GLB1L2: variants seen among roughly 807,000 people sequenced by gnomAD.
GLB1L2 encodes the protein galactosidase beta 1 like 2, also known as beta-galactosidase-1-like protein 2.
GLB1L2 carries 68 observed loss-of-function variants against 84.1 expected under a neutral mutation model. The ratio of observed to expected loss-of-function variants is 0.81; its 90% CI spans 0.67 to 0.99. The LOEUF (loss-of-function observed/expected upper bound fraction) is 0.99, where lower values mean the gene tolerates loss of function less well. GLB1L2 is among the 50% of genes least tolerant of loss of function. The pLI, the probability that GLB1L2 is intolerant of heterozygous loss-of-function variation, is 0.00. For synonymous variants in GLB1L2, 290 were observed against 318.0 expected, an observed-to-expected ratio of 0.91 and a Z score of 0.94; for missense variants, 762 against 805.6, an observed-to-expected ratio of 0.95 and a Z score of 0.66.
chr11:134,342,789 G>T lies in GLB1L2; in HGVS notation c.122G>T (p.Arg41Leu), dbSNP rs776437306. The change falls in exon 2 of 19, where the codon CGC becomes CTC. Residue 41 changes from arginine to leucine, a missense_variant. By Grantham distance (102) the Arg-to-Leu change is moderately radical. Transcript: ENST00000535456. Reference protein sequence around the residue: ...DWSTLVPLRLRHRQLGLQAKG... With the variant: ...DWSTLVPLRLLHRQLGLQAKG... ...AGCACCCTGGTCCCTCTGCGGCTCC[G>T]CCATCGACAGCTGGGGCTGCAGGCC... 1.2e-6 allele frequency: 2 copies of T among 1,613,980 alleles called. No individual in the cohort carries two copies. Among genetic ancestry groups the T allele is most frequent in the South Asian group, 1.1e-5 (1 of 91,072 alleles).
intron 7 of GLB1L2, among the ~76,000 whole-genome samples, chr11:134,362,064 GGTC>G (rs1943800827): frequency 6.6e-6 from 1 of 152,132 alleles, no homozygotes; most frequent in Admixed American, 6.5e-5. Flanking sequence ...CGGGTCTTTC[GGTC>G]ATCCTTGTGT....
chr11:134,361,154 AAAAAAAC>A (rs921405940), intron 7 of GLB1L2: 7 of 151,588 alleles, frequency 4.6e-5, no homozygotes, highest in African/African-American at 1.7e-4. Context: ...CCGTCTCAAA[AAAAAAAC>A]AAAAAACAAA....
chr11:134,376,105 G>A lies in GLB1L2; in HGVS notation c.*1047G>A, dbSNP rs1944019265. The A allele has an allele frequency of 6.7e-6, 1 of 149,824 alleles. No individual in the cohort carries two copies. Among genetic ancestry groups the A allele is most frequent in the South Asian group, 2.1e-4 (1 of 4,682 alleles). The allele number at this position is 149,824 out of a possible 1,614,324, so 9.3% of individuals were successfully genotyped here. On this transcript the variant is annotated 3_prime_UTR_variant, in exon 19 of 19. Coordinates refer to ENST00000535456, the MANE Select transcript of GLB1L2 (RefSeq NM_001370461.1). Reference sequence around the variant, plus strand: ...AGGCCCAGCTCACATGTGAGTCCTGGCAGAAGCCATGGCCCATGTCTGCAC... The same window carrying A: ...AGGCCCAGCTCACATGTGAGTCCTGACAGAAGCCATGGCCCATGTCTGCAC...
At chr11:134,342,651 G>C (rs1349936568) in intron 1 of GLB1L2, 103 bp from the exon 2 acceptor site, 1 of 1,171,590 alleles carries the variant, frequency 8.5e-7, no homozygotes, top group Non-Finnish European at 1.2e-6. Context: ...CCTGGACGCA[G>C]GCGCCCTCGA....
intron 1 of GLB1L2, among the ~76,000 whole-genome samples, chr11:134,336,280 C>T (rs1265002633): frequency 6.6e-6 from 1 of 152,116 alleles, no homozygotes; most frequent in Non-Finnish European, 1.5e-5. Flanking sequence ...GGTAAGTATT[C>T]AGAGTGTGAA....
At chr11:134,363,752 C>T (rs1003153168) in intron 7 of GLB1L2, among the ~76,000 whole-genome samples, 2 of 152,192 alleles carry the variant, frequency 1.3e-5, no homozygotes, top group East Asian at 3.8e-4. Context: ...AGTGCATGCT[C>T]GGCTTGTAGA....
At position 134,374,208 on chromosome 11, in the gene GLB1L2, T is replaced by G. The variant is rs565955381; in HGVS notation, c.1659T>G (p.Gly553=). 6 of 1,614,008 alleles carry G rather than the reference T, an allele frequency of 3.7e-6. No homozygotes were observed. The highest frequency in any genetic ancestry group is 5.1e-6 in the Non-Finnish European group (6 of 1,179,972). The change falls in exon 17 of 19, where the codon GGT becomes GGG. Residue 553 remains glycine, a synonymous_variant. Coordinates refer to ENST00000535456, the MANE Select transcript of GLB1L2 (RefSeq NM_001370461.1). The stretch of plus-strand genomic sequence containing the variant: ...CCACATTACCTGCTTTCTTCTTGGG[T>G]AGCTTGTCCATCAGCTCCACCCCTT... ...ETPTLPAFFL[G]SLSISSTPCD... is the part of the protein sequence containing the mutation.
At chr11:134,354,456 GTCTA>G (rs1459693695) in intron 5 of GLB1L2, among the ~76,000 whole-genome samples, 1 of 151,832 alleles carries the variant, frequency 6.6e-6, no homozygotes, top group African/African-American at 2.4e-5. Flanking sequence ...TTTTTTATGT[GTCTA>G]TCTTTGCTGG....
At position 134,362,031 on chromosome 11, in the gene GLB1L2, G is replaced by A. The variant is rs1248084914; in HGVS notation, c.734-2297G>A. On this transcript the variant is annotated intron_variant, in intron 7 of 18. Coordinates refer to ENST00000535456, the MANE Select transcript of GLB1L2 (RefSeq NM_001370461.1). The stretch of plus-strand genomic sequence containing the variant: ...GCCGTGCGGGTTGTGCGTGTCTTTC[G>A]TGGTGCTCCACCCTCTCGTCCTCGG... Among the ~76,000 whole-genome samples the A allele has an allele frequency of 3.3e-5, 5 of 152,152 alleles. No individual in the cohort carries two copies. The East Asian group carries it at 7.7e-4, about 23-fold the overall frequency.
intron 5 of GLB1L2, among the ~76,000 whole-genome samples, chr11:134,352,665 G>C (rs1241225713): frequency 1.5e-5 from 1 of 67,376 alleles, no homozygotes; most frequent in Admixed American, 1.8e-4. Flanking sequence ...TTTTTTTTTT[G>C]AGATGGAGTC....
At chr11:134,364,700 G>C (rs1410817332) in intron 8 of GLB1L2, 1 of 342,688 alleles carries the variant, frequency 2.9e-6, no homozygotes. Flanking sequence ...CTTGCTCCCA[G>C]GGATTGAGGG....
chr11:134,335,198 A>G (rs1437767660), intron 1 of GLB1L2, among the ~76,000 whole-genome samples: 2 of 151,186 alleles, frequency 1.3e-5, no homozygotes, highest in East Asian at 3.9e-4. Context: ...CTTTCTCCTG[A>G]ACAAGGTGGC....
At chr11:134,371,283 A>G in intron 13 of GLB1L2, 135 bp downstream of exon 13, 1 of 1,277,464 alleles carries the variant, frequency 7.8e-7, no homozygotes, top group Non-Finnish European at 1.1e-6. Flanking sequence ...GTGAGCCTTC[A>G]GGGGGCATTC....
chr11:134,373,678 C>T (rs199735434), intron 15 of GLB1L2, 43 bp from the exon 16 acceptor site: 2 of 1,373,330 alleles, frequency 1.5e-6, no homozygotes, highest in Non-Finnish European at 2.1e-6. Flanking sequence ...CTGACTCGGC[C>T]CCTGCCTTTG....
At chr11:134,367,193 G>A in intron 8 of GLB1L2, 64 bp from the exon 9 acceptor site, 1 of 1,347,338 alleles carries the variant, frequency 7.4e-7, no homozygotes, top group African/African-American at 1.4e-5. Flanking sequence ...TCCCCTCCAT[G>A]AAGAGCTTCC....
At chr11:134,357,341 C>G (rs770811071) in intron 6 of GLB1L2, among the ~76,000 whole-genome samples, 1 of 152,254 alleles carries the variant, frequency 6.6e-6, no homozygotes, top group African/African-American at 2.4e-5. Flanking sequence ...ACTCTTCCCC[C>G]TTCTCACCTG....
intron 17 of GLB1L2, 33 bp downstream of exon 17, chr11:134,374,289 C>T: frequency 6.7e-7 from 1 of 1,482,828 alleles, no homozygotes; most frequent in Non-Finnish European, 9.4e-7. Context: ...CCAGTTTCTC[C>T]CACCTGCCTC....
chr11:134,362,424 C>G (rs1252760527), intron 7 of GLB1L2, among the ~76,000 whole-genome samples: 5 of 152,226 alleles, frequency 3.3e-5, no homozygotes, highest in African/African-American at 1.2e-4. Context: ...TCAGCCGCTA[C>G]CCAGCAGCTT....
chr11:134,351,263 C>A (rs1159248996), intron 5 of GLB1L2, among the ~76,000 whole-genome samples: 1 of 151,392 alleles, frequency 6.6e-6, no homozygotes, highest in Non-Finnish European at 1.5e-5. Context: ...TCACTTTTTT[C>A]TGCATCAATT....
Sources: gnomAD v4.1 joint callset for allele counts (sites outside exome capture counted in the v4.1 genomes callset) on GRCh38, gnomAD v4.1.1 for gene constraint, MANE v1.5 for transcripts, NCBI Gene and HGNC (gene_info 2026-07-23, HGNC 2026-07-21) for gene names.